Variants in CA10 observed in about 807,000 individuals in gnomAD.
The protein encoded by CA10 is carbonic anhydrase-related protein 10.
CA10 carries 14 observed loss-of-function variants against 44.2 expected under a neutral mutation model. The observed-to-expected ratio is 0.32, with a 90% CI of 0.21 to 0.50. The LOEUF is 0.50. Among genes scored for constraint, CA10 ranks in the 20% least tolerant of loss-of-function variants. The pLI, the probability that CA10 is intolerant of heterozygous loss-of-function variation, is 0.99. For synonymous variants in CA10, 159 were observed against 141.6 expected (o/e 1.12, Z -0.87); for missense variants, 350 against 409.7 (o/e 0.85, Z 1.26).
intron 1 of CA10, among the ~76,000 whole-genome samples, chr17:52,099,136 A>C (rs951771080): frequency 6.6e-6 from 1 of 152,194 alleles, no homozygotes; most frequent in Non-Finnish European, 1.5e-5. Context: ...ATTAGCAGGA[A>C]GACGCCATGT....
At chr17:51,937,529 C>A (rs1223762865) in intron 2 of CA10, among the ~76,000 whole-genome samples, 1 of 152,088 alleles carries the variant, frequency 6.6e-6, no homozygotes, top group African/African-American at 2.4e-5. Flanking sequence ...AAGGTAAGTT[C>A]TCCCATTGAG....
intron 2 of CA10, among the ~76,000 whole-genome samples, chr17:51,959,209 CTTTTTT>C (rs112948472): frequency 8.2e-6 from 1 of 122,294 alleles, no homozygotes; most frequent in Non-Finnish European, 1.7e-5. Flanking sequence ...GGAAGACATT[CTTTTTT>C]TTTTTTTTTT....
chr17:52,029,257 T>G (rs1156937473), intron 2 of CA10, among the ~76,000 whole-genome samples: 1 of 152,250 alleles, frequency 6.6e-6, no homozygotes, highest in East Asian at 1.9e-4. Context: ...TCTTGCCTGA[T>G]TTAGGTAGAT....
chr17:51,661,425 C>T (rs1222038239), intron 4 of CA10, among the ~76,000 whole-genome samples: 1 of 152,146 alleles, frequency 6.6e-6, no homozygotes, highest in Non-Finnish European at 1.5e-5. Flanking sequence ...AGCCTGGTTT[C>T]ACCCTTGGGT....
intron 2 of CA10, among the ~76,000 whole-genome samples, chr17:51,933,797 C>G (rs1982755938): frequency 6.6e-6 from 1 of 151,996 alleles, no homozygotes; most frequent in Non-Finnish European, 1.5e-5. Flanking sequence ...AAAGCATTAA[C>G]AAAAATAATT....
At chr17:51,955,358 G>A in intron 2 of CA10, among the ~76,000 whole-genome samples, 1 of 151,980 alleles carries the variant, frequency 6.6e-6, no homozygotes, top group Non-Finnish European at 1.5e-5. Context: ...TTTCCACATT[G>A]TAAAGTCCGC....
At chr17:51,941,371 G>T (rs1983072150) in intron 2 of CA10, among the ~76,000 whole-genome samples, 1 of 152,140 alleles carries the variant, frequency 6.6e-6, no homozygotes, top group Non-Finnish European at 1.5e-5. Flanking sequence ...TTGTGTGCCT[G>T]TATCAGGTTT....
chr17:52,095,358 C>A (rs980469949), intron 1 of CA10, among the ~76,000 whole-genome samples: 1 of 151,946 alleles, frequency 6.6e-6, no homozygotes, highest in Non-Finnish European at 1.5e-5. Context: ...GGGGGTGAAC[C>A]TATGGAGTGA....
At chr17:52,064,751 T>C (rs1423197322) in intron 2 of CA10, among the ~76,000 whole-genome samples, 1 of 152,150 alleles carries the variant, frequency 6.6e-6, no homozygotes. Context: ...TGTACCCAAT[T>C]TTAAAGAATG....
intron 4 of CA10, among the ~76,000 whole-genome samples, chr17:51,676,087 C>T (rs1272885047): frequency 6.6e-6 from 1 of 152,210 alleles, no homozygotes; most frequent in Non-Finnish European, 1.5e-5. Context: ...AGTCTGTGAA[C>T]ATGTGTGTAC....
intron 3 of CA10, among the ~76,000 whole-genome samples, chr17:51,766,647 A>C (rs1413251468): frequency 1.3e-5 from 2 of 152,158 alleles, no homozygotes; most frequent in African/African-American, 4.8e-5. Context: ...ATTTTTGCTT[A>C]TTTTTATTTC....
chr17:51,704,641 C>T (rs889493140), intron 4 of CA10, among the ~76,000 whole-genome samples: 10 of 152,168 alleles, frequency 6.6e-5, no homozygotes, highest in African/African-American at 2.2e-4. Context: ...CTATCTTCTA[C>T]AGTGTAGGCA....
intron 2 of CA10, among the ~76,000 whole-genome samples, chr17:52,052,501 T>A (rs2143053058): frequency 6.6e-6 from 1 of 152,064 alleles, no homozygotes; most frequent in Non-Finnish European, 1.5e-5. Context: ...GCTTCCCACA[T>A]GTTATTACAG....
At chr17:51,761,387 T>C (rs921059066) in intron 3 of CA10, 2 of 152,228 alleles carry the variant, frequency 1.3e-5, no homozygotes, top group Non-Finnish European at 2.9e-5. Context: ...TAGTGCTATT[T>C]ACTAGGAATA....
At chr17:51,685,661 A>C (rs535170541) in intron 4 of CA10, among the ~76,000 whole-genome samples, 1 of 152,214 alleles carries the variant, frequency 6.6e-6, no homozygotes, top group Non-Finnish European at 1.5e-5. Context: ...GGAACAAACA[A>C]TCAGAAGGAG....
chr17:51,778,291 T>A (rs1598040539), intron 3 of CA10, among the ~76,000 whole-genome samples: 1 of 152,148 alleles, frequency 6.6e-6, no homozygotes, highest in East Asian at 1.9e-4. Flanking sequence ...ATTGGGCACA[T>A]GAAAAGCTCT....
At chr17:51,724,507 T>C (rs961724592) in intron 4 of CA10, among the ~76,000 whole-genome samples, 4 of 152,206 alleles carry the variant, frequency 2.6e-5, no homozygotes, top group African/African-American at 9.7e-5. Context: ...GAAAAGTTAT[T>C]CCTCACTCTG....
At chr17:51,690,038 C>T (rs1309861781) in intron 4 of CA10, among the ~76,000 whole-genome samples, 1 of 151,994 alleles carries the variant, frequency 6.6e-6, no homozygotes, top group Non-Finnish European at 1.5e-5. Flanking sequence ...ACCACCACCT[C>T]CCAGGTTCAA....
intron 3 of CA10, among the ~76,000 whole-genome samples, chr17:51,766,263 T>A (rs1365126332): frequency 6.6e-6 from 1 of 152,130 alleles, no homozygotes; most frequent in Non-Finnish European, 1.5e-5. Context: ...CAAAATAAGG[T>A]ACTTATTTGG....
Sources: allele counts gnomAD v4.1 joint callset (sites outside exome capture counted in the v4.1 genomes callset), GRCh38; gene constraint gnomAD v4.1.1; transcripts MANE v1.5; gene names NCBI Gene and HGNC (gene_info 2026-07-23, HGNC 2026-07-21).